The following SNX29 variants were observed in gnomAD, a reference collection of about 807,000 sequenced individuals.
SNX29 encodes the protein sorting nexin-29.
A neutral mutation model predicts 102.1 loss-of-function variants in SNX29; 78 were observed. The ratio of observed to expected loss-of-function variants is 0.76; its 90% confidence interval spans 0.64 to 0.92. The LOEUF (loss-of-function observed/expected upper bound fraction) is 0.92. Ranked by LOEUF, SNX29 falls within the 40% of genes least tolerant of loss-of-function variation. The pLI is 0.00. For synonymous variants in SNX29, 580 were observed against 414.5 expected (o/e 1.40, Z -4.85); for missense variants, 1,280 against 1,061.7 (o/e 1.21, Z -2.86).
intron 11 of SNX29, among the ~76,000 whole-genome samples, chr16:12,110,604 G>C (rs1245123462): frequency 5.9e-5 from 9 of 152,086 alleles, no homozygotes; most frequent in Non-Finnish European, 4.4e-5. Context: ...CTTAGTGGTT[G>C]GGCTTGCGGT....
chr16:12,042,308 C>A (rs1259992664), intron 4 of SNX29, among the ~76,000 whole-genome samples: 3 of 152,204 alleles, frequency 2.0e-5, no homozygotes, highest in Non-Finnish European at 4.4e-5. Flanking sequence ...GGATTACAGG[C>A]ATGAGCCACC....
chr16:12,383,562 G>A (rs368762112), intron 16 of SNX29, among the ~76,000 whole-genome samples: 2 of 151,446 alleles, frequency 1.3e-5, no homozygotes, highest in African/African-American at 4.9e-5. Flanking sequence ...TCAGCCTCCC[G>A]AGTAGCTGGG....
At chr16:12,484,877 A>G (rs1256356683) in intron 19 of SNX29, among the ~76,000 whole-genome samples, 1 of 152,126 alleles carries the variant, frequency 6.6e-6, no homozygotes, top group Admixed American at 6.5e-5. Flanking sequence ...CTTCAATATG[A>G]TCTGTCTCTC....
chr16:12,219,103 G>C (rs985127369), intron 14 of SNX29, among the ~76,000 whole-genome samples: 1 of 152,152 alleles, frequency 6.6e-6, no homozygotes, highest in African/African-American at 2.4e-5. Flanking sequence ...ACTACAAAGA[G>C]GATTGTAGTA....
intron 19 of SNX29, among the ~76,000 whole-genome samples, chr16:12,487,214 G>T (rs2088287228): frequency 6.6e-6 from 1 of 152,180 alleles, no homozygotes; most frequent in Non-Finnish European, 1.5e-5. Flanking sequence ...CATTGGGCTG[G>T]TAGTGAAGTG....
intron 1 of SNX29, among the ~76,000 whole-genome samples, chr16:11,991,235 A>G (rs2055836134): frequency 1.3e-5 from 2 of 152,238 alleles, no homozygotes; most frequent in Admixed American, 1.3e-4. Flanking sequence ...CTGTAATACT[A>G]GTAAGTCATT....
chr16:12,543,605 T>G (rs2077444960), intron 20 of SNX29, among the ~76,000 whole-genome samples: 1 of 152,172 alleles, frequency 6.6e-6, no homozygotes, highest in Non-Finnish European at 1.5e-5. Flanking sequence ...TCCTCCCCGA[T>G]GGAGTGGGCA....
rs556538290 is a variant in SNX29 at position 12,524,756 on chromosome 16, G to A, written c.2233G>A (p.Val745Ile). The A allele has an allele frequency of 2.2e-5, 36 of 1,613,632 alleles. No individual in the cohort carries two copies. The Admixed American group carries it at 3.7e-4, about 16-fold the overall frequency. The stretch of plus-strand genomic sequence containing the variant: ...GCAGCTCCAGAATTACCTGCGCAGC[G>A]TCATGAACAAAGTCATCCAGATGGT... Reference protein sequence around the residue: ...RKQLQNYLRSVMNKVIQMVPE... With the variant: ...RKQLQNYLRSIMNKVIQMVPE... The change falls in exon 20 of 21, where the codon GTC (valine) becomes ATC (isoleucine). Residue 745 changes from valine (V) to isoleucine (I), a missense_variant. Val to Ile is a conservative substitution (Grantham distance 29, BLOSUM62 3). Transcript: ENST00000566228.
rs564156499 is a variant in SNX29 at position 12,013,488 on chromosome 16, GAAA to G, written c.122+10456_122+10458del. ...TAGTGAAACCCTGTCTCTACTGGGG[GAAA>G]AAAAAAAAAATATATATATATATAT... On this transcript the variant is annotated intron_variant, in intron 3 of 20. Transcript: ENST00000566228. 6.2e-4 allele frequency among the ~76,000 whole-genome samples: 8 copies of G among 12,972 alleles called. No individual in the cohort carries two copies. In the East Asian group the frequency reaches 8.5e-3, roughly 14 times the overall value. The allele number at this position is 12,972 out of a possible 152,430, so 8.5% of individuals were successfully genotyped here.
chr16:12,255,153 A>G (rs576331884), intron 14 of SNX29, among the ~76,000 whole-genome samples: 1 of 152,272 alleles, frequency 6.6e-6, no homozygotes, highest in South Asian at 2.1e-4. Context: ...TGTTGAGACC[A>G]TTTAGGATAT....
intron 20 of SNX29, among the ~76,000 whole-genome samples, chr16:12,568,027 C>G (rs765982903): frequency 6.6e-6 from 1 of 152,184 alleles, no homozygotes; most frequent in Non-Finnish European, 1.5e-5. Flanking sequence ...AACCTTTTAA[C>G]TAGCCCCTAG....
chr16:12,174,623 C>T (rs1359890892), intron 13 of SNX29, among the ~76,000 whole-genome samples: 2 of 152,176 alleles, frequency 1.3e-5, no homozygotes, highest in African/African-American at 4.8e-5. Flanking sequence ...GTGGCGTTCA[C>T]CAGTTTTCAA....
intron 16 of SNX29, among the ~76,000 whole-genome samples, chr16:12,357,197 T>C (rs1014172533): frequency 7.2e-5 from 11 of 152,226 alleles, no homozygotes; most frequent in Non-Finnish European, 1.3e-4. Context: ...CACGCTCATA[T>C]ATCCTTTGTC....
intron 19 of SNX29, among the ~76,000 whole-genome samples, chr16:12,480,809 G>T (rs990177817): frequency 1.3e-5 from 2 of 152,220 alleles, no homozygotes; most frequent in African/African-American, 4.8e-5. Context: ...GTTGCATCCT[G>T]TAGAAAGAGG....
intron 15 of SNX29, among the ~76,000 whole-genome samples, chr16:12,326,671 G>C (rs1287677846): frequency 1.3e-5 from 2 of 152,190 alleles, no homozygotes; most frequent in Admixed American, 1.3e-4. Context: ...GGAATCTGGT[G>C]ACCTAGGTTT....
In SNX29 at chr16:12,360,070, C is replaced by T. The variant is rs143315115; in HGVS notation, c.1899+3791C>T. Among the ~76,000 whole-genome samples the T allele has an allele frequency of 9.8e-3, 1,486 of 152,288 alleles. 10 individuals carry two copies. The highest frequency in any genetic ancestry group is 0.016 in the Non-Finnish European group (1,071 of 68,024). On this transcript the variant is annotated intron_variant, in intron 16 of 20. Coordinates refer to ENST00000566228, the MANE Select transcript of SNX29 (RefSeq NM_032167.5). ...AACTCCTGATCTCGAGTGATCTGCCCGCCTCGGCCTCCCAGAGTGCTGGGA... is the reference window on the plus strand; with the variant it reads ...AACTCCTGATCTCGAGTGATCTGCCTGCCTCGGCCTCCCAGAGTGCTGGGA...
intron 4 of SNX29, among the ~76,000 whole-genome samples, chr16:12,028,968 G>A (rs915999009): frequency 6.6e-6 from 1 of 152,156 alleles, no homozygotes; most frequent in East Asian, 1.9e-4. Context: ...GGCTGGTCTC[G>A]AACTCCTGAC....
chr16:12,197,115 A>C (rs2076795611), intron 13 of SNX29, among the ~76,000 whole-genome samples: 1 of 152,254 alleles, frequency 6.6e-6, no homozygotes. Flanking sequence ...TCTGTTGGTC[A>C]TGCGGCCTCT....
Position 12,051,890 on chromosome 16 carries a change from C to A in SNX29, c.792C>A (p.Thr264=). ...AGCGGAAGAAGAAAAAGAAAGTGACCAACATAATCTCATTTGATGATGAGG... is the reference window on the plus strand; with the variant it reads ...AGCGGAAGAAGAAAAAGAAAGTGACAAACATAATCTCATTTGATGATGAGG... ...KKERKKKKKV[T]NIISFDDEED... Residue 264 remains threonine (T), a synonymous_variant, in exon 8 of 21, where the codon ACC becomes ACA. Coordinates refer to ENST00000566228, the MANE Select transcript of SNX29 (RefSeq NM_032167.5). The A allele has an allele frequency of 6.2e-7, 1 of 1,612,866 alleles. No homozygotes were observed. Among genetic ancestry groups the A allele is most frequent in the Non-Finnish European group, 8.5e-7 (1 of 1,179,728 alleles).
Sources: gnomAD v4.1 joint callset for allele counts (sites outside exome capture counted in the v4.1 genomes callset) on GRCh38, gnomAD v4.1.1 for gene constraint, MANE v1.5 for transcripts, NCBI Gene and HGNC (gene_info 2026-07-23, HGNC 2026-07-21) for gene names.